SGCZ: variants seen among roughly 807,000 people sequenced by gnomAD.
SGCZ encodes the protein sarcoglycan zeta.
In SGCZ, 40 loss-of-function variants were observed where a neutral mutation model predicts 41.3. The ratio of observed to expected loss-of-function variants is 0.97; its 90% CI spans 0.75 to 1.26. The LOEUF (loss-of-function observed/expected upper bound fraction) is 1.26, where lower values mean the gene tolerates loss of function less well. SGCZ is among the 50% of genes most tolerant of loss of function. The probability of loss-of-function intolerance (pLI) is 0.00; values close to 1 mark genes in which losing one functional copy is unlikely to be tolerated. For synonymous variants in SGCZ, 206 were observed against 137.5 expected, an observed-to-expected ratio of 1.50 and a Z score of -3.49; for missense variants, 552 against 369.8, an observed-to-expected ratio of 1.49 and a Z score of -4.04.
At chr8:15,205,696 C>A (rs1801037516) in intron 1 of SGCZ, among the ~76,000 whole-genome samples, 1 of 152,140 alleles carries the variant, frequency 6.6e-6, no homozygotes, top group Non-Finnish European at 1.5e-5. Context: ...TTGAGAAAAG[C>A]AGTATGGCAA....
At chr8:14,373,762 G>A (rs192778361) in intron 2 of SGCZ, among the ~76,000 whole-genome samples, 324 of 152,148 alleles carry the variant, frequency 2.1e-3, no homozygotes, top group African/African-American at 6.7e-3. Context: ...AATTGTAAAC[G>A]GTAGGTTTAC....
chr8:14,423,371 T>C (rs891220461), intron 2 of SGCZ, among the ~76,000 whole-genome samples: 5 of 152,128 alleles, frequency 3.3e-5, no homozygotes, highest in African/African-American at 7.2e-5. Flanking sequence ...AAAGATCTTA[T>C]CCATTAAAAA....
chr8:14,537,957 T>C (rs1245820434), intron 2 of SGCZ, among the ~76,000 whole-genome samples: 1 of 151,936 alleles, frequency 6.6e-6, no homozygotes, highest in East Asian at 1.9e-4. Flanking sequence ...GTTTTATCCA[T>C]CACATATATT....
At chr8:14,859,094 A>G (rs1484834307) in intron 1 of SGCZ, among the ~76,000 whole-genome samples, 1 of 152,158 alleles carries the variant, frequency 6.6e-6, no homozygotes, top group East Asian at 1.9e-4. Context: ...TCAACATCCC[A>G]AACAATGCCA....
chr8:15,237,620 C>T lies in SGCZ; in HGVS notation c.4G>A (p.Asp2Asn). The T allele has an allele frequency of 6.3e-7, 1 of 1,584,700 alleles. No individual in the cohort carries two copies. Among genetic ancestry groups the T allele is most frequent in the East Asian group, 2.3e-5 (1 of 43,844 alleles). Residue 2 changes from aspartate to asparagine, a missense_variant, in exon 1 of 8, where the codon GAC becomes AAC. Physicochemically the swap from Asp to Asn is conservative, Grantham distance 23. Transcript: ENST00000382080. M[D>N]RSTNLDIEEL... is the part of the protein sequence containing the mutation. ...TCAATGTCCAGGTTCGTTGATCTGT[C>T]CATGGAGCGCAACTAAACGAAGTGG... is the stretch of plus-strand genomic sequence containing the variant.
At chr8:14,179,733 T>A (rs1804662056) in intron 4 of SGCZ, among the ~76,000 whole-genome samples, 1 of 152,172 alleles carries the variant, frequency 6.6e-6, no homozygotes, top group Admixed American at 6.5e-5. Context: ...TACTCTAAGC[T>A]GTCACTGGTA....
chr8:15,176,430 T>G (rs572144630), intron 1 of SGCZ, among the ~76,000 whole-genome samples: 6 of 152,330 alleles, frequency 3.9e-5, no homozygotes, highest in South Asian at 2.1e-4. Context: ...ATAGTCTAAT[T>G]GAAAGGTTTT....
intron 1 of SGCZ, among the ~76,000 whole-genome samples, chr8:14,836,105 T>A (rs1802693536): frequency 6.6e-6 from 1 of 152,022 alleles, no homozygotes; most frequent in Non-Finnish European, 1.5e-5. Flanking sequence ...ATTGCCCCCA[T>A]CATTTTTACT....
intron 1 of SGCZ, among the ~76,000 whole-genome samples, chr8:15,127,394 G>A (rs1807744311): frequency 6.6e-6 from 1 of 152,086 alleles, no homozygotes; most frequent in Non-Finnish European, 1.5e-5. Context: ...TCCGTGTCCT[G>A]TATAAATATT....
intron 1 of SGCZ, among the ~76,000 whole-genome samples, chr8:15,098,116 A>C (rs1295021181): frequency 6.6e-6 from 1 of 151,768 alleles, no homozygotes; most frequent in Non-Finnish European, 1.5e-5. Context: ...TGTAGAAGTA[A>C]CAGCCCCACA....
chr8:14,964,879 G>C (rs529007757), intron 1 of SGCZ, among the ~76,000 whole-genome samples: 1 of 152,078 alleles, frequency 6.6e-6, no homozygotes, highest in African/African-American at 2.4e-5. Context: ...TTATGTGGGC[G>C]CTTCTACTGG....
chr8:14,237,592 C>G lies in SGCZ; in HGVS notation c.424G>C (p.Gly142Arg). Residue 142 changes from glycine to arginine, a missense_variant and splice_region_variant, in exon 4 of 8, where the codon GGA becomes CGA. Gly to Arg is a moderately radical substitution (Grantham distance 125). Coordinates refer to ENST00000382080, the MANE Select transcript of SGCZ (RefSeq NM_139167.4). ...GCAATCTTTACCCCAAAACACTCAC[C>G]TATGGTCAGCTGTCCGGTTAACTGC... The part of the protein sequence containing the change: ...MGQLTGQLTI[G>R]ADAVEAQCKR... 1 of 1,613,604 alleles carries G rather than the reference C, an allele frequency of 6.2e-7. No individual in the cohort carries two copies. The highest frequency in any genetic ancestry group is 8.5e-7 in the Non-Finnish European group (1 of 1,179,656).
rs555793373 is a variant in SGCZ, at chr8:14,085,410, T to A, written c.*5033A>T. Reference sequence around the variant, plus strand: ...TGTTAATGAATGTCCTTGCCCATCTTTAACCCTGTTTGGTTTTTATTTATA... The same window carrying A: ...TGTTAATGAATGTCCTTGCCCATCTATAACCCTGTTTGGTTTTTATTTATA... On this transcript the variant is annotated 3_prime_UTR_variant, in exon 8 of 8. Transcript: ENST00000382080. 1.3e-5 allele frequency among the ~76,000 whole-genome samples: 2 copies of A among 151,766 alleles called. No homozygotes were observed. Among genetic ancestry groups the A allele is most frequent in the Non-Finnish European group, 3.0e-5 (2 of 67,796 alleles).
At chr8:14,232,608 T>C (rs1442176584) in intron 4 of SGCZ, among the ~76,000 whole-genome samples, 1 of 151,856 alleles carries the variant, frequency 6.6e-6, no homozygotes, top group East Asian at 1.9e-4. Flanking sequence ...TTTTTTATTT[T>C]ATTATTATTA....
intron 5 of SGCZ, among the ~76,000 whole-genome samples, chr8:14,126,534 T>C (rs897758926): frequency 1.3e-5 from 2 of 152,120 alleles, no homozygotes; most frequent in African/African-American, 2.4e-5. Flanking sequence ...TTTTCCACTG[T>C]TGGGAATGAA....
chr8:14,295,184 T>C (rs1441091622), intron 3 of SGCZ, among the ~76,000 whole-genome samples: 2 of 152,144 alleles, frequency 1.3e-5, no homozygotes, highest in Non-Finnish European at 2.9e-5. Context: ...CGAAAAGAAA[T>C]GTTCTTCAAC....
At chr8:14,298,481 C>A (rs1275786831) in intron 3 of SGCZ, among the ~76,000 whole-genome samples, 2 of 151,834 alleles carry the variant, frequency 1.3e-5, no homozygotes, top group Non-Finnish European at 2.9e-5. Context: ...CAAAAGTGAA[C>A]TTAACAGTGC....
chr8:15,159,743 CT>C (rs1262865734), intron 1 of SGCZ, among the ~76,000 whole-genome samples: 726 of 27,218 alleles, frequency 0.027, 30 homozygotes, highest in East Asian at 0.12. Flanking sequence ...CCCCCCCACC[CT>C]CCCCCCCACC....
chr8:14,667,204 G>C (rs911873874), intron 1 of SGCZ, among the ~76,000 whole-genome samples: 4 of 152,076 alleles, frequency 2.6e-5, no homozygotes, highest in Middle Eastern at 3.2e-3. Context: ...TAAAAGTTTT[G>C]GAGAGGGCAT....
Sources: allele counts gnomAD v4.1 joint callset (sites outside exome capture counted in the v4.1 genomes callset), GRCh38; gene constraint gnomAD v4.1.1; transcripts MANE v1.5; gene names NCBI Gene and HGNC (gene_info 2026-07-23, HGNC 2026-07-21).